CADPS: variants seen among roughly 807,000 people sequenced by gnomAD.
CADPS encodes calcium-dependent secretion activator 1.
In CADPS, 57 loss-of-function variants were observed where a neutral mutation model predicts 167.3. The ratio of observed to expected loss-of-function variants is 0.34; its 90% CI spans 0.28 to 0.42. The LOEUF (loss-of-function observed/expected upper bound fraction) is 0.42. Ranked by LOEUF, CADPS falls within the 20% of genes least tolerant of loss-of-function variation. The pLI, the probability that CADPS is intolerant of heterozygous loss-of-function variation, is 1.00. For missense variants in CADPS, 1,414 were observed against 1,738.1 expected, an observed-to-expected ratio of 0.81 and a Z score of 3.32; for synonymous variants, 676 against 635.3, an observed-to-expected ratio of 1.06 and a Z score of -0.96.
At chr3:62,416,010 T>C (rs947120768) in intron 28 of CADPS, among the ~76,000 whole-genome samples, 7 of 152,176 alleles carry the variant, frequency 4.6e-5, no homozygotes, top group Non-Finnish European at 8.8e-5. Flanking sequence ...TTAACAAAAT[T>C]GTTTGAAAGA....
chr3:62,711,995 A>G (rs974805282), intron 3 of CADPS, among the ~76,000 whole-genome samples: 2 of 152,158 alleles, frequency 1.3e-5, no homozygotes, highest in Non-Finnish European at 2.9e-5. Flanking sequence ...GCAACTTAGT[A>G]TTTACACTTT....
intron 6 of CADPS, among the ~76,000 whole-genome samples, chr3:62,594,382 C>T (rs1270006265): frequency 1.3e-5 from 2 of 151,860 alleles, no homozygotes; most frequent in African/African-American, 2.4e-5. Context: ...GGGATGGTCT[C>T]GATCTCCTGA....
intron 21 of CADPS, among the ~76,000 whole-genome samples, chr3:62,487,347 ATGT>A (rs1273102690): frequency 6.6e-6 from 1 of 152,222 alleles, no homozygotes; most frequent in Non-Finnish European, 1.5e-5. Flanking sequence ...GCTGATGGAA[ATGT>A]TGTCCATTTC....
intron 3 of CADPS, among the ~76,000 whole-genome samples, chr3:62,733,906 C>G (rs2078451997): frequency 6.6e-6 from 1 of 152,170 alleles, no homozygotes; most frequent in Non-Finnish European, 1.5e-5. Flanking sequence ...TGCATCCTCA[C>G]AGCTTAACTC....
intron 1 of CADPS, among the ~76,000 whole-genome samples, chr3:62,798,230 G>C (rs768909469): frequency 6.6e-6 from 1 of 152,188 alleles, no homozygotes; most frequent in Non-Finnish European, 1.5e-5. Context: ...AGTCGACTGG[G>C]AGAGACAGAC....
intron 21 of CADPS, among the ~76,000 whole-genome samples, chr3:62,482,335 G>A (rs1044738506): frequency 1.3e-5 from 2 of 152,126 alleles, no homozygotes; most frequent in Non-Finnish European, 2.9e-5. Context: ...TCAATCAGAC[G>A]TTAGACACCA....
intron 3 of CADPS, among the ~76,000 whole-genome samples, chr3:62,669,702 C>G (rs985047179): frequency 6.6e-6 from 1 of 152,112 alleles, no homozygotes; most frequent in Non-Finnish European, 1.5e-5. Flanking sequence ...TTTTTTTCAA[C>G]TCTTTTAACT....
intron 6 of CADPS, among the ~76,000 whole-genome samples, chr3:62,597,203 G>A (rs777949300): frequency 2.0e-5 from 3 of 152,046 alleles, no homozygotes; most frequent in Non-Finnish European, 4.4e-5. Flanking sequence ...ATAATTAGCT[G>A]CATATGGTGG....
rs1436252277 is a variant in CADPS at position 62,455,489 on chromosome 3, T to C, written c.3637-9692A>G. The stretch of plus-strand genomic sequence containing the variant: ...GCTGGTATTTGAAGCATGGTTTCCT[T>C]GGACTCCAGGGTTTGCCCTCCTAAT... On this transcript the variant is annotated intron_variant, in intron 26 of 29. Coordinates refer to ENST00000383710, the MANE Select transcript of CADPS (RefSeq NM_003716.4). The surrounding 1 kb of genome is among the most constrained non-coding windows in gnomAD (Gnocchi z 4.4). Among the ~76,000 whole-genome samples the C allele has an allele frequency of 1.3e-5, 2 of 152,220 alleles. No individual in the cohort carries two copies. Among genetic ancestry groups the C allele is most frequent in the African/African-American group, 2.4e-5 (1 of 41,474 alleles).
chr3:62,690,564 G>A (rs952828306), intron 3 of CADPS, among the ~76,000 whole-genome samples: 13 of 151,694 alleles, frequency 8.6e-5, no homozygotes, highest in African/African-American at 1.7e-4. Flanking sequence ...AAGAGAACCC[G>A]GACTGTCCCT....
intron 9 of CADPS, among the ~76,000 whole-genome samples, chr3:62,558,719 T>C (rs1480462858): frequency 6.6e-6 from 1 of 152,048 alleles, no homozygotes; most frequent in Non-Finnish European, 1.5e-5. Context: ...AGGAGGATGT[T>C]TTTGGTAGTT....
chr3:62,557,578 C>T, intron 9 of CADPS, 65 bp from the exon 10 acceptor site: 1 of 1,234,710 alleles, frequency 8.1e-7, no homozygotes, highest in Non-Finnish European at 1.2e-6. Context: ...AAACCCTCCC[C>T]CATGTTCTCT....
chr3:62,493,272 A>T (rs1258959350), intron 19 of CADPS, among the ~76,000 whole-genome samples: 1 of 152,184 alleles, frequency 6.6e-6, no homozygotes, highest in East Asian at 1.9e-4. Flanking sequence ...AAAGGCATGC[A>T]TGCATGTTGA....
chr3:62,516,705 C>T lies in CADPS; in HGVS notation c.2394-62G>A, dbSNP rs192641546. 3,034 of 1,173,558 alleles carry T rather than the reference C, an allele frequency of 2.6e-3. 10 individuals carry two copies. Among genetic ancestry groups the T allele is most frequent in the Non-Finnish European group, 3.5e-3 (2,747 of 793,550 alleles). The allele number at this position is 1,173,558 out of a possible 1,614,324, so 72.7% of individuals were successfully genotyped here. ...TTACATTTTAGCATGAAATATGCTG[C>T]AATTTGATTCCTATAGCAACTCTCT... On this transcript the variant is annotated intron_variant, in intron 14 of 29. Coordinates refer to ENST00000383710, the MANE Select transcript of CADPS (RefSeq NM_003716.4).
intron 1 of CADPS, among the ~76,000 whole-genome samples, chr3:62,839,123 T>A (rs1026050286): frequency 2.3e-4 from 35 of 152,228 alleles, no homozygotes; most frequent in African/African-American, 8.4e-4. Flanking sequence ...GTGGGGATGA[T>A]GACCTTCAAC....
chr3:62,807,348 G>A (rs1338072594), intron 1 of CADPS, among the ~76,000 whole-genome samples: 8 of 148,396 alleles, frequency 5.4e-5, no homozygotes, highest in African/African-American at 2.0e-4. Context: ...TGCAACCTCC[G>A]CCTCCTGGGT....
intron 6 of CADPS, among the ~76,000 whole-genome samples, chr3:62,627,141 TG>T (rs2064242528): frequency 1.7e-5 from 2 of 117,424 alleles, no homozygotes; most frequent in African/African-American, 2.9e-5. Context: ...TGTGTGTGTG[TG>T]TGTGTGTGTG....
In CADPS at chr3:62,514,967, A is replaced by G. The variant is rs987706346; in HGVS notation, c.2581+1092T>C. 1.3e-5 allele frequency among the ~76,000 whole-genome samples: 2 copies of G among 152,158 alleles called. No homozygotes were observed. Among genetic ancestry groups the G allele is most frequent in the Non-Finnish European group, 2.9e-5 (2 of 68,014 alleles). On this transcript the variant is annotated intron_variant, in intron 16 of 29. Coordinates refer to ENST00000383710, the MANE Select transcript of CADPS (RefSeq NM_003716.4). This position sits in a 1 kb window ranked among gnomAD's most constrained non-coding sequence, Gnocchi z 4.2. ...AAGTGTTTCTCCCTGGATGCATAAC[A>G]GTGAATTCATTACCACTGGTACACA...
intron 26 of CADPS, among the ~76,000 whole-genome samples, chr3:62,456,637 T>C (rs1388876728): frequency 6.6e-6 from 1 of 152,074 alleles, no homozygotes; most frequent in Non-Finnish European, 1.5e-5. Flanking sequence ...TTTTGGAGCA[T>C]CTAACACCAG....
Sources: allele counts gnomAD v4.1 joint callset (sites outside exome capture counted in the v4.1 genomes callset), GRCh38; gene constraint gnomAD v4.1.1; non-coding constraint Gnocchi (gnomAD v3.1); transcripts MANE v1.5; gene names NCBI Gene and HGNC (gene_info 2026-07-23, HGNC 2026-07-21).